RNF130: variants seen among roughly 807,000 people sequenced by gnomAD.
RNF130 encodes the protein E3 ubiquitin-protein ligase RNF130.
RNF130 carries 21 observed loss-of-function variants against 44.6 expected under a neutral mutation model. The observed-to-expected ratio is 0.47, with a 90% CI of 0.33 to 0.68. The LOEUF (loss-of-function observed/expected upper bound fraction) is 0.68. Among genes scored for constraint, RNF130 ranks in the 30% least tolerant of loss-of-function variants. RNF130 has a pLI of 0.02. For synonymous variants in RNF130, 214 were observed against 210.4 expected, an observed-to-expected ratio of 1.02 and a Z score of -0.15; for missense variants, 479 against 560.6, an observed-to-expected ratio of 0.85 and a Z score of 1.47.
chr5:179,998,529 C>T (rs1763252334), intron 3 of RNF130, among the ~76,000 whole-genome samples: 1 of 152,056 alleles, frequency 6.6e-6, no homozygotes, highest in African/African-American at 2.4e-5. Flanking sequence ...AACTCTTGGA[C>T]TCATGAGATC....
intron 5 of RNF130, among the ~76,000 whole-genome samples, chr5:179,976,120 G>A (rs1762711176): frequency 6.6e-6 from 1 of 152,074 alleles, no homozygotes; most frequent in East Asian, 1.9e-4. Flanking sequence ...CAGGAGTTCA[G>A]AGCGGCCTGG....
intron 1 of RNF130, among the ~76,000 whole-genome samples, chr5:180,056,368 G>A (rs939889212): frequency 6.6e-6 from 1 of 152,150 alleles, no homozygotes; most frequent in South Asian, 2.1e-4. Context: ...TATAGAGAAT[G>A]GGCTAGAAGG....
intron 1 of RNF130, among the ~76,000 whole-genome samples, chr5:180,044,282 C>T (rs1328196946): frequency 6.6e-6 from 1 of 152,074 alleles, no homozygotes; most frequent in Non-Finnish European, 1.5e-5. Context: ...CCAGGAAAAA[C>T]TTACTAGAGG....
exon 8 of RNF130, chr5:179,913,068 G>A (rs1388586076): frequency 6.6e-6 from 1 of 152,376 alleles, no homozygotes; most frequent in Non-Finnish European, 1.5e-5. Context: ...GATGGGCCGG[G>A]AGCCTCCACC....
rs116282402 is a variant in RNF130, at chr5:179,963,116, G to A, written c.1244+355C>T. 2.4e-3 allele frequency among the ~76,000 whole-genome samples: 364 copies of A among 152,318 alleles called. 1 individual carries two copies. The highest frequency in any genetic ancestry group is 8.4e-3 in the African/African-American group (349 of 41,554). ...CAGGCTCCAGATGTGTGTGATGAAC[G>A]CAAAGTGGGCTCTTCCCATCAGCGA... On this transcript the variant is annotated intron_variant, in intron 8 of 8. Transcript: ENST00000521389.
At chr5:179,937,071 C>T (rs1041976400) in intron 7 of RNF130, among the ~76,000 whole-genome samples, 1 of 146,846 alleles carries the variant, frequency 6.8e-6, no homozygotes, top group African/African-American at 2.5e-5. Context: ...CATAAGCAAC[C>T]AATGAAAAAA....
At position 180,016,550 on chromosome 5, in the gene RNF130, G is replaced by T. The variant is rs747979659; in HGVS notation, c.443-3239C>A. Among the ~76,000 whole-genome samples the T allele has an allele frequency of 2.0e-5, 3 of 152,188 alleles. No homozygotes were observed. The East Asian group carries it at 5.8e-4, about 29-fold the overall frequency. On this transcript the variant is annotated intron_variant, in intron 2 of 8. Coordinates refer to ENST00000521389, the MANE Select transcript of RNF130 (RefSeq NM_018434.6). ...CTCCCACGCACTTCCACGTCTGGCC[G>T]CCAGTACTAACTGTCAGAGATGGCA...
chr5:180,041,885 T>G (rs930254525), intron 1 of RNF130, among the ~76,000 whole-genome samples: 6 of 152,140 alleles, frequency 3.9e-5, no homozygotes, highest in Non-Finnish European at 8.8e-5. Context: ...GAGACCACCC[T>G]GGGCGACAAA....
chr5:180,016,341 T>G (rs199911451), intron 2 of RNF130, among the ~76,000 whole-genome samples: 2 of 29,920 alleles, frequency 6.7e-5, no homozygotes, highest in Non-Finnish European at 1.3e-4. Context: ...CTGGCCCAGT[T>G]TCACGCCAAA....
At chr5:180,053,172 G>A (rs7706876) in intron 1 of RNF130, among the ~76,000 whole-genome samples, 26,294 of 151,956 alleles carry the variant, frequency 0.17, 2,399 homozygotes, top group Admixed American at 0.21. Context: ...TCTCAAAACT[G>A]GCAGACAGGA....
intron 1 of RNF130, among the ~76,000 whole-genome samples, chr5:180,047,973 G>A (rs1052541439): frequency 6.7e-6 from 1 of 150,294 alleles, no homozygotes; most frequent in East Asian, 2.0e-4. Flanking sequence ...GACTCTCCAG[G>A]GTTCATGTTC....
chr5:180,054,158 C>A (rs759380669), intron 1 of RNF130, among the ~76,000 whole-genome samples: 10 of 152,114 alleles, frequency 6.6e-5, no homozygotes, highest in Non-Finnish European at 1.3e-4. Context: ...CCTATTTTTA[C>A]TTCATTTCAG....
chr5:180,038,407 T>G (rs1158347076), intron 2 of RNF130, among the ~76,000 whole-genome samples: 3 of 97,360 alleles, frequency 3.1e-5, no homozygotes, highest in African/African-American at 3.0e-5. Flanking sequence ...AAAAAGCCTG[T>G]TTTGTTTTTT....
At chr5:179,962,736 T>A (rs1762362764) in intron 8 of RNF130, among the ~76,000 whole-genome samples, 1 of 152,110 alleles carries the variant, frequency 6.6e-6, no homozygotes, top group Non-Finnish European at 1.5e-5. Flanking sequence ...AGCCCAATCC[T>A]CCATCCTCTC....
At chr5:180,045,583 C>A (rs1002383651) in intron 1 of RNF130, among the ~76,000 whole-genome samples, 5 of 152,182 alleles carry the variant, frequency 3.3e-5, no homozygotes, top group African/African-American at 1.2e-4. Flanking sequence ...CTTATCTGAC[C>A]CCACCCACAT....
chr5:179,927,998 T>C (rs2113673944), intron 7 of RNF130, among the ~76,000 whole-genome samples: 1 of 152,286 alleles, frequency 6.6e-6, no homozygotes, highest in Admixed American at 6.5e-5. Context: ...GCAACATCCA[T>C]CCGCCTCAGG....
intron 1 of RNF130, among the ~76,000 whole-genome samples, chr5:180,049,033 T>C (rs1432066677): frequency 6.6e-6 from 1 of 152,176 alleles, no homozygotes; most frequent in Non-Finnish European, 1.5e-5. Flanking sequence ...AGGTTTCTGT[T>C]TTCTGTTTTA....
chr5:179,973,789 C>T (rs1762642433), intron 5 of RNF130, among the ~76,000 whole-genome samples: 1 of 152,174 alleles, frequency 6.6e-6, no homozygotes, highest in African/African-American at 2.4e-5. Flanking sequence ...AACAGGCCCG[C>T]CACACACAGG....
intron 5 of RNF130, among the ~76,000 whole-genome samples, chr5:179,972,815 C>T (rs1267128706): frequency 3.3e-5 from 5 of 152,122 alleles, no homozygotes; most frequent in Admixed American, 6.6e-5. Flanking sequence ...GTACAGTGTT[C>T]TCTGCCTGTT....
Sources: allele counts gnomAD v4.1 joint callset (sites outside exome capture counted in the v4.1 genomes callset), GRCh38; gene constraint gnomAD v4.1.1; transcripts MANE v1.5; gene names NCBI Gene and HGNC (gene_info 2026-07-23, HGNC 2026-07-21).